TRHDE: variants seen among roughly 807,000 people sequenced by gnomAD.
TRHDE encodes the protein thyrotropin releasing hormone degrading enzyme.
TRHDE carries 72 observed loss-of-function variants against 125.7 expected under a neutral mutation model. The observed-to-expected ratio is 0.57, with a 90% confidence interval of 0.47 to 0.70. TRHDE has a LOEUF of 0.70. Ranked by LOEUF, TRHDE falls within the 30% of genes least tolerant of loss-of-function variation. The probability of loss-of-function intolerance (pLI) is 0.00; values close to 1 mark genes in which losing one functional copy is unlikely to be tolerated. For synonymous variants in TRHDE, 509 were observed against 509.1 expected (o/e 1.00, Z 0.00); for missense variants, 1,110 against 1,327.1 (o/e 0.84, Z 2.54).
Position 72,535,058 on chromosome 12 carries a change from A to G in TRHDE, c.1723-7233A>G, listed in dbSNP as rs182507637. 5.4e-3 allele frequency among the ~76,000 whole-genome samples: 827 copies of G among 152,160 alleles called. 3 individuals carry two copies. Among genetic ancestry groups the G allele is most frequent in the Admixed American group, 0.012 (188 of 15,246 alleles). ...GGGGCAGGGGACTAACATAAAAATG[A>G]TGATAGTGATGATGAAGATGATATC... On this transcript the variant is annotated intron_variant, in intron 6 of 18. Transcript: ENST00000261180.
chr12:72,549,851 T>C (rs1869593305), intron 7 of TRHDE, among the ~76,000 whole-genome samples: 1 of 151,864 alleles, frequency 6.6e-6, no homozygotes, highest in Non-Finnish European at 1.5e-5. Flanking sequence ...TATTCATCAA[T>C]TTTTAAAATA....
intron 2 of TRHDE, among the ~76,000 whole-genome samples, chr12:72,248,682 G>A (rs1878622626): frequency 6.6e-6 from 1 of 152,106 alleles, no homozygotes. Context: ...AATTGCTATT[G>A]AGCCCTCCTG....
At chr12:72,549,318 G>C (rs1014393429) in intron 7 of TRHDE, among the ~76,000 whole-genome samples, 2 of 151,880 alleles carry the variant, frequency 1.3e-5, no homozygotes, top group African/African-American at 4.8e-5. Flanking sequence ...ATTTGTGAGA[G>C]AGTGTTTTGT....
In TRHDE at chr12:72,460,435, C is replaced by A. The variant is rs1052904608; in HGVS notation, c.1316-9323C>A. On this transcript the variant is annotated intron_variant, in intron 3 of 18. Transcript: ENST00000261180. The stretch of plus-strand genomic sequence containing the variant: ...ATCATGTGTGTCTATAATATGTATG[C>A]TTTTTGACTTGTTTGTAACCCCCAT... 2.7e-5 allele frequency among the ~76,000 whole-genome samples: 4 copies of A among 147,958 alleles called. No individual in the cohort carries two copies. In the East Asian group the frequency reaches 7.7e-4, roughly 29 times the overall value.
intron 4 of TRHDE, among the ~76,000 whole-genome samples, chr12:72,470,137 G>A (rs1876572111): frequency 6.6e-6 from 1 of 152,206 alleles, no homozygotes; most frequent in Non-Finnish European, 1.5e-5. Context: ...CCATTTAGTT[G>A]AAGAGTGAGA....
intron 1 of TRHDE, among the ~76,000 whole-genome samples, chr12:72,280,957 T>C (rs377161616): frequency 2.0e-5 from 3 of 152,320 alleles, no homozygotes; most frequent in East Asian, 3.9e-4. Flanking sequence ...TATGAAAACC[T>C]AATATTATGA....
intron 12 of TRHDE, among the ~76,000 whole-genome samples, chr12:72,583,531 A>T (rs1871321844): frequency 6.6e-6 from 1 of 152,204 alleles, no homozygotes; most frequent in Non-Finnish European, 1.5e-5. Context: ...ATTATTTAAA[A>T]ATTCATATCC....
chr12:72,282,998 A>G (rs1488142782), intron 1 of TRHDE, among the ~76,000 whole-genome samples: 2 of 152,180 alleles, frequency 1.3e-5, no homozygotes, highest in Non-Finnish European at 2.9e-5. Flanking sequence ...CCAGCCTAAA[A>G]TGTCTGTAGT....
At chr12:72,125,986 T>C (rs74541621) in intron 2 of TRHDE, among the ~76,000 whole-genome samples, 7,104 of 151,986 alleles carry the variant, frequency 0.047, 324 homozygotes, top group South Asian at 0.11. Flanking sequence ...GCCACAAAAA[T>C]AAAACAAAAC....
chr12:72,432,377 C>G (rs1057089377), intron 3 of TRHDE, among the ~76,000 whole-genome samples: 4 of 152,154 alleles, frequency 2.6e-5, no homozygotes, highest in African/African-American at 9.7e-5. Context: ...TATTGTTCCC[C>G]TTTCAGGCAG....
chr12:72,641,599 T>G (rs546981391), intron 15 of TRHDE, among the ~76,000 whole-genome samples: 1 of 152,198 alleles, frequency 6.6e-6, no homozygotes, highest in Non-Finnish European at 1.5e-5. Context: ...TGACTAATTA[T>G]TAATCTATAT....
intron 12 of TRHDE, 65 bp downstream of exon 12, chr12:72,575,607 C>A: frequency 1.5e-6 from 2 of 1,373,712 alleles, no homozygotes; most frequent in Non-Finnish European, 1.0e-6. Context: ...TATTAAACTG[C>A]ATAATATGTA....
intron 1 of TRHDE, among the ~76,000 whole-genome samples, chr12:72,104,972 T>C (rs960653891): frequency 3.3e-5 from 5 of 152,268 alleles, no homozygotes; most frequent in African/African-American, 1.2e-4. Flanking sequence ...CCATGGCTGT[T>C]AGCAGCTCCA....
chr12:72,290,911 G>A (rs2139433673), intron 2 of TRHDE, among the ~76,000 whole-genome samples: 1 of 152,332 alleles, frequency 6.6e-6, no homozygotes, highest in Admixed American at 6.5e-5. Context: ...TTGGTTATAA[G>A]TGAGCACTAA....
intron 7 of TRHDE, among the ~76,000 whole-genome samples, chr12:72,550,310 A>G (rs751397121): frequency 1.4e-4 from 22 of 152,028 alleles, no homozygotes; most frequent in Admixed American, 1.0e-3. Context: ...CTCTTTGTAC[A>G]CATTGCCATT....
intron 12 of TRHDE, among the ~76,000 whole-genome samples, chr12:72,587,353 T>G (rs11834716): frequency 0.27 from 40,384 of 152,042 alleles, 8,173 homozygotes; most frequent in African/African-American, 0.54. Flanking sequence ...AGGAAAATTT[T>G]TGTTTCAACA....
chr12:72,168,842 G>T (rs1245513663), intron 2 of TRHDE, among the ~76,000 whole-genome samples: 1 of 152,018 alleles, frequency 6.6e-6, no homozygotes, highest in African/African-American at 2.4e-5. Flanking sequence ...CAAATGTTCT[G>T]CTCTAAGGTT....
In TRHDE at chr12:72,188,942, G is replaced by A. The variant is rs145190473; in HGVS notation, n.279+83190G>A. ...CTTACCCCATGAGGGTCAGGAGAAA[G>A]GCCTTTGGAGACAGACCTGCCATTT... On this transcript the variant is annotated intron_variant and non_coding_transcript_variant, in intron 2 of 4. Coordinates refer to the TRHDE transcript ENST00000548156. Among the ~76,000 whole-genome samples, 97 of 152,274 alleles carry A rather than the reference G, an allele frequency of 6.4e-4. 1 individual carries two copies. The East Asian group carries it at 0.016, about 26-fold the overall frequency.
intron 3 of TRHDE, among the ~76,000 whole-genome samples, chr12:72,411,308 A>G (rs983403767): frequency 1.7e-4 from 26 of 152,102 alleles, no homozygotes; most frequent in African/African-American, 6.0e-4. Flanking sequence ...TGAGAATTCA[A>G]TAAGGTGCAT....
Sources: gnomAD v4.1 joint callset for allele counts (sites outside exome capture counted in the v4.1 genomes callset) on GRCh38, gnomAD v4.1.1 for gene constraint, MANE v1.5 for transcripts, NCBI Gene and HGNC (gene_info 2026-07-23, HGNC 2026-07-21) for gene names.